KCNQ2: variants seen among roughly 807,000 people sequenced by gnomAD.
KCNQ2 encodes potassium voltage-gated channel subfamily KQT member 2.
KCNQ2 carries 14 observed loss-of-function variants against 84.8 expected under a neutral mutation model. That is an observed-to-expected ratio of 0.17 (90% CI 0.11 to 0.26). The LOEUF is 0.26. Among genes scored for constraint, KCNQ2 ranks in the 10% least tolerant of loss-of-function variants. The pLI is 1.00. For synonymous variants in KCNQ2, 599 were observed against 554.1 expected (o/e 1.08, Z -1.14); for missense variants, 788 against 1,254.0 (o/e 0.63, Z 5.61).
intron 7 of KCNQ2, among the ~76,000 whole-genome samples, chr20:63,436,639 C>T (rs1214644357): frequency 6.6e-6 from 1 of 152,110 alleles, no homozygotes; most frequent in Non-Finnish European, 1.5e-5. Flanking sequence ...GATTGCAACT[C>T]GCAGAAGGCT....
Position 63,413,989 on chromosome 20 carries a change from C to T in KCNQ2, c.1631+99G>A, listed in dbSNP as rs914332303. 2.6e-5 allele frequency: 23 copies of T among 872,022 alleles called. No homozygotes were observed. In the Middle Eastern group the frequency reaches 8.3e-4, roughly 32 times the overall value. 54.0% of individuals were successfully genotyped at this position (872,022 alleles called of 1,614,324 possible). A position where few individuals can be genotyped will look rare whatever the true frequency, so the allele number is the denominator to read the frequency against. ...TTTCCCAGTAGACTCTGTCTCTGGG[C>T]GGCTCTGTCCAGCACCATGAGCACC... On this transcript the variant is annotated intron_variant, in intron 14 of 16. Coordinates refer to ENST00000359125, the MANE Select transcript of KCNQ2 (RefSeq NM_172107.4).
chr20:63,407,176 G>A lies in KCNQ2; in HGVS notation c.2087C>T (p.Thr696Met), dbSNP rs570139975. 4.7e-5 allele frequency: 76 copies of A among 1,604,172 alleles called. 1 individual carries two copies. In the Admixed American group the frequency reaches 9.7e-4, roughly 21 times the overall value. Residue 696 changes from threonine to methionine, a missense_variant, in exon 17 of 17, where the codon ACG becomes ATG. Physicochemically the swap from Thr to Met is moderately conservative, Grantham distance 81. This residue lies in a region of KCNQ2 where 378 missense variants were observed against 434.5 expected (regional missense o/e 0.87). Transcript: ENST00000359125. This position sits in a 1 kb window ranked among gnomAD's most constrained non-coding sequence, Gnocchi z 7.2. ...GGGCGCCGAGAAGTTCTTCTGGCCC[G>A]TGGAGCTGCTGGAGCGCACGATCTT... ...IVKIVRSSSS[T>M]GQKNFSAPPA... is the part of the protein sequence containing the mutation.
At chr20:63,456,989 G>A (rs549570291) in intron 1 of KCNQ2, among the ~76,000 whole-genome samples, 10 of 152,318 alleles carry the variant, frequency 6.6e-5, no homozygotes, top group Admixed American at 3.3e-4. Flanking sequence ...GGCCCCGCTC[G>A]CCTCGTCCAT....
rs1229957141 is a variant in KCNQ2 at position 63,446,509 on chromosome 20, C to T, written c.387+238G>A. Among the ~76,000 whole-genome samples, 1 of 152,108 alleles carries T rather than the reference C, an allele frequency of 6.6e-6. No homozygotes were observed. The highest frequency in any genetic ancestry group is 2.1e-4 in the South Asian group (1 of 4,828). On this transcript the variant is annotated intron_variant, in intron 2 of 16. Transcript: ENST00000359125. This position sits in a 1 kb window ranked among gnomAD's most constrained non-coding sequence, Gnocchi z 5.5. The stretch of plus-strand genomic sequence containing the variant: ...GGGCGATGGAGGCGGGGCTGTCAGC[C>T]ACTGTGAGGTCACCAGGAGGGGTGA...
In KCNQ2 at chr20:63,424,201, T is replaced by A. The variant is rs1202656129; in HGVS notation, c.1223A>T (p.Asp408Val). The A allele has an allele frequency of 2.6e-6, 4 of 1,551,624 alleles. No individual in the cohort carries two copies. The highest frequency in any genetic ancestry group is 3.5e-6 in the Non-Finnish European group (4 of 1,147,776). ...KSKSGLAFRK[D>V]PPPEPSPSKG... ...CCTTGGAGACGGCTCCGGCGGGGGGTCCTTCCTTCAAACAGAAGCAACAGA... is the reference window on the plus strand; with the variant it reads ...CCTTGGAGACGGCTCCGGCGGGGGGACCTTCCTTCAAACAGAAGCAACAGA... Residue 408 changes from aspartate (D) to valine (V), a missense_variant, in exon 11 of 17, where the codon GAC becomes GTC. Transcript: ENST00000359125.
intron 1 of KCNQ2, among the ~76,000 whole-genome samples, chr20:63,464,571 G>A (rs894749202): frequency 2.6e-5 from 4 of 152,080 alleles, no homozygotes; most frequent in African/African-American, 9.7e-5. Flanking sequence ...CACCGGGGCC[G>A]CCTAACCCCA....
At chr20:63,411,621 C>T (rs1457404053) in intron 15 of KCNQ2, among the ~76,000 whole-genome samples, 2 of 148,686 alleles carry the variant, frequency 1.3e-5, no homozygotes, top group South Asian at 4.2e-4. Flanking sequence ...GGAGGAAGGG[C>T]CTTCTCCCTC....
At chr20:63,432,503 CAG>C (rs1491161347) in intron 8 of KCNQ2, among the ~76,000 whole-genome samples, 2 of 146,524 alleles carry the variant, frequency 1.4e-5, no homozygotes, top group Non-Finnish European at 1.5e-5. Flanking sequence ...GCTCCACCCT[CAG>C]GGAAGGATCC....
chr20:63,412,363 C>CA (rs2145529993), intron 15 of KCNQ2: 1 of 167,368 alleles, frequency 6.0e-6, no homozygotes, highest in South Asian at 1.4e-4. Flanking sequence ...GATGTGGAGA[C>CA]AAAGCACAGA....
At chr20:63,442,986 TTAC>T (rs2081259993) in intron 4 of KCNQ2, among the ~76,000 whole-genome samples, 5 of 4,082 alleles carry the variant, frequency 1.2e-3, no homozygotes, top group South Asian at 9.4e-3. Context: ...ATCACCACCA[TTAC>T]CATCACCATC....
intron 2 of KCNQ2, chr20:63,445,726 G>GCCCTGTCTGAGCTGGGGGA (rs1568942752): frequency 1.8e-4 from 40 of 220,550 alleles, no homozygotes; most frequent in South Asian, 2.6e-4. Context: ...GAGCTGGGAG[G>GCCCTGTCTGAGCTGGGGGA]CCCTGTCTGA....
At chr20:63,440,543 T>C (rs2081129858) in intron 5 of KCNQ2, among the ~76,000 whole-genome samples, 2 of 152,092 alleles carry the variant, frequency 1.3e-5, no homozygotes, top group South Asian at 2.1e-4. Flanking sequence ...GACCAGAAGG[T>C]GGGCCCAGGA....
In KCNQ2 at chr20:63,407,265, C is replaced by G; in HGVS notation, c.1998G>C (p.Pro666=). The change falls in exon 17 of 17, where the codon CCG becomes CCC. Residue 666 remains proline (P), a synonymous_variant. Coordinates refer to ENST00000359125, the MANE Select transcript of KCNQ2 (RefSeq NM_172107.4). This position sits in a 1 kb window ranked among gnomAD's most constrained non-coding sequence, Gnocchi z 7.2. ...EAYFGAKEPE[P]APPYHSPEDS... is the part of the protein sequence containing the mutation. ...CTTCCGGGCTGTGGTACGGCGGCGCCGGCTCCGGCTCTTTGGCCCCAAAGT... is the reference window on the plus strand; with the variant it reads ...CTTCCGGGCTGTGGTACGGCGGCGCGGGCTCCGGCTCTTTGGCCCCAAAGT... 1 of 1,596,908 alleles carries G rather than the reference C, an allele frequency of 6.3e-7. No individual in the cohort carries two copies. The highest frequency in any genetic ancestry group is 1.1e-5 in the South Asian group (1 of 90,998).
rs368352571 is a variant in KCNQ2, at chr20:63,433,856, G to A, written c.1071C>T (p.His357=). 5.0e-6 allele frequency: 8 copies of A among 1,613,790 alleles called. No individual in the cohort carries two copies. In the African/African-American group the frequency reaches 8.0e-5, roughly 16 times the overall value. ...YATNLSRTDL[H]STWQYYERTV... ...TTCGCTCGTAGTACTGCCACGTGGA[G>A]TGCAGGTCTGTGCGCGAGAGGTTGG... is the stretch of plus-strand genomic sequence containing the variant. Residue 357 remains histidine (H), a synonymous_variant, in exon 8 of 17, where the codon CAC becomes CAT. Coordinates refer to ENST00000359125, the MANE Select transcript of KCNQ2 (RefSeq NM_172107.4).
intron 1 of KCNQ2, among the ~76,000 whole-genome samples, chr20:63,467,006 C>A (rs1274763680): frequency 6.6e-6 from 1 of 152,248 alleles, no homozygotes. Flanking sequence ...GACACAAGGC[C>A]AAGGTCTCCC....
At chr20:63,434,757 G>A (rs1422757140) in intron 7 of KCNQ2, 2 of 152,232 alleles carry the variant, frequency 1.3e-5, no homozygotes, top group African/African-American at 2.4e-5. Flanking sequence ...CGGCCCATCC[G>A]CGTCGTAGCA....
intron 1 of KCNQ2, among the ~76,000 whole-genome samples, chr20:63,453,508 T>C (rs930176962): frequency 1.3e-5 from 2 of 151,998 alleles, no homozygotes; most frequent in African/African-American, 4.8e-5. Flanking sequence ...CCTAACGGGG[T>C]TTTCTCTGAA....
At position 63,413,497 on chromosome 20, in the gene KCNQ2, T is replaced by A. The variant is rs1455629478; in HGVS notation, c.1716A>T (p.Ser572=). Residue 572 remains serine (S), a synonymous_variant, in exon 15 of 17, where the codon TCA becomes TCT. Coordinates refer to ENST00000359125, the MANE Select transcript of KCNQ2 (RefSeq NM_172107.4). ...YDVMDVIEQY[S]AGHLDMLSRI... is the part of the protein sequence containing the mutation. ...GGGACAGCATGTCCAGGTGGCCGGC[T>A]GAGTACTGCTCGATGACGTCCATCA... is the stretch of plus-strand genomic sequence containing the variant. 1 of 1,613,366 alleles carries A rather than the reference T, an allele frequency of 6.2e-7. No individual in the cohort carries two copies. The highest frequency in any genetic ancestry group is 8.5e-7 in the Non-Finnish European group (1 of 1,180,026).
In KCNQ2 at chr20:63,472,197, G is replaced by T; in HGVS notation, c.267C>A (p.Arg89=). The T allele has an allele frequency of 6.5e-7, 1 of 1,535,560 alleles. No individual in the cohort carries two copies. Among genetic ancestry groups the T allele is most frequent in the South Asian group, 1.2e-5 (1 of 81,560 alleles). Residue 89 remains arginine, a synonymous_variant, in exon 1 of 17, where the codon CGC becomes CGA. Coordinates refer to ENST00000359125, the MANE Select transcript of KCNQ2 (RefSeq NM_172107.4). ...AGGCGTGGTAGATGAACGCCCAGCC[G>T]CGCGGCCGCTCCAGCACGTTGTAGA... The part of the protein sequence containing the change: ...NFLYNVLERP[R]GWAFIYHAYV...
Sources: gnomAD v4.1 joint callset for allele counts (sites outside exome capture counted in the v4.1 genomes callset) on GRCh38, gnomAD v4.1.1 for gene constraint, gnomAD v4.1.1 regional missense constraint, Gnocchi (gnomAD v3.1) non-coding constraint, MANE v1.5 for transcripts, NCBI Gene and HGNC (gene_info 2026-07-23, HGNC 2026-07-21) for gene names.